DNAH5: variants seen among roughly 807,000 people sequenced by gnomAD.
DNAH5 encodes axonemal beta dynein heavy chain 5.
In DNAH5, 372 loss-of-function variants were observed where a neutral mutation model predicts 518.2. The observed-to-expected ratio is 0.72, with a 90% CI of 0.66 to 0.78. The LOEUF (loss-of-function observed/expected upper bound fraction) is 0.78. Among genes scored for constraint, DNAH5 ranks in the 30% least tolerant of loss-of-function variants. The pLI is 0.00. For missense variants in DNAH5, 5,523 were observed against 5,687.0 expected, an observed-to-expected ratio of 0.97 and a Z score of 0.93; for synonymous variants, 2,039 against 2,025.9, an observed-to-expected ratio of 1.01 and a Z score of -0.17.
chr5:13,861,687 TG>T (rs1768434785), intron 29 of DNAH5, among the ~76,000 whole-genome samples: 1 of 152,178 alleles, frequency 6.6e-6, no homozygotes, highest in Non-Finnish European at 1.5e-5. Context: ...ACAGGCACAG[TG>T]GCTCATGCCT....
At chr5:13,875,313 C>A (rs563584456) in intron 22 of DNAH5, among the ~76,000 whole-genome samples, 1 of 151,768 alleles carries the variant, frequency 6.6e-6, no homozygotes, top group Non-Finnish European at 1.5e-5. Flanking sequence ...ACTAAAAATA[C>A]AAAATTAGCC....
chr5:13,796,041 A>G (rs9765224), intron 47 of DNAH5, among the ~76,000 whole-genome samples: 26,474 of 152,084 alleles, frequency 0.17, 2,354 homozygotes, highest in Admixed American at 0.21. Context: ...GTATTGATGG[A>G]ACGTATCTCA....
chr5:13,815,406 C>T (rs1472380690), intron 42 of DNAH5, among the ~76,000 whole-genome samples: 1 of 152,100 alleles, frequency 6.6e-6, no homozygotes, highest in East Asian at 1.9e-4. Context: ...TTTGTGTTCC[C>T]CTAAAATATC....
chr5:13,916,431 T>C lies in DNAH5; in HGVS notation c.1114A>G (p.Thr372Ala), dbSNP rs140227610. 8.1e-5 allele frequency: 127 copies of C among 1,559,246 alleles called. 2 individuals carry two copies. The African/African-American group carries it at 1.4e-3, about 17-fold the overall frequency. The change falls in exon 9 of 79, where the codon ACA becomes GCA. Residue 372 changes from threonine (T) to alanine (A), a missense_variant. Around this residue, in one of 3 missense-constraint regions of DNAH5, gnomAD observed 5,121 missense variants for 5,223.3 expected, o/e 0.98. Transcript: ENST00000265104. Reference sequence around the variant, plus strand: ...ATCATTTTAATTGCATTTATAAGTGTAGGAATAGCATCCATCATGGATAGC... The same window carrying C: ...ATCATTTTAATTGCATTTATAAGTGCAGGAATAGCATCCATCATGGATAGC... ...DPLSMMDAIP[T>A]LINAIKMIYS...
chr5:13,716,277 G>A (rs1176949263), intron 74 of DNAH5, among the ~76,000 whole-genome samples: 1 of 152,012 alleles, frequency 6.6e-6, no homozygotes, highest in Non-Finnish European at 1.5e-5. Context: ...ATGGAAACAC[G>A]ATTCACACAA....
rs1237738040 is a variant in DNAH5, at chr5:13,707,307, A to G, written c.13338+816T>C. On this transcript the variant is annotated intron_variant, in intron 76 of 78. Coordinates refer to ENST00000265104, the MANE Select transcript of DNAH5 (RefSeq NM_001369.3). The surrounding 1 kb of genome is among the most constrained non-coding windows in gnomAD (Gnocchi z 4.0). ...TGCTGAGAGCAACTTCCACCACTCA[A>G]TAAAACCTTGCACCCGACCTCTAAG... is the stretch of plus-strand genomic sequence containing the variant. Among the ~76,000 whole-genome samples, 3 of 152,162 alleles carry G rather than the reference A, an allele frequency of 2.0e-5. No homozygotes were observed. Among genetic ancestry groups the G allele is most frequent in the Admixed American group, 1.3e-4 (2 of 15,278 alleles).
intron 1 of DNAH5, among the ~76,000 whole-genome samples, chr5:13,981,719 C>A (rs1375601999): frequency 6.6e-6 from 1 of 152,212 alleles, no homozygotes; most frequent in Non-Finnish European, 1.5e-5. Context: ...TCAGTAATAA[C>A]AGATCAATAT....
chr5:13,717,324 A>C lies in DNAH5; in HGVS notation c.12696T>G (p.Asp4232Glu). The C allele has an allele frequency of 1.2e-6, 2 of 1,613,744 alleles. No individual in the cohort carries two copies. Among genetic ancestry groups the C allele is most frequent in the Non-Finnish European group, 1.7e-6 (2 of 1,179,910 alleles). ...QFIQNHLDDM[D>E]VKKGVSWTTI... The stretch of plus-strand genomic sequence containing the variant: ...GCATGCGCGGCAGTACCTTTTTGAC[A>C]TCCATGTCATCCAAGTGGTTTTGGA... Residue 4232 changes from aspartate to glutamate, a missense_variant, in exon 73 of 79, where the codon GAT (aspartate) becomes GAG (glutamate). By Grantham distance (45) the Asp-to-Glu change is conservative (BLOSUM62 2). Around this residue, in one of 3 missense-constraint regions of DNAH5, gnomAD observed 5,121 missense variants for 5,223.3 expected, o/e 0.98. Coordinates refer to ENST00000265104, the MANE Select transcript of DNAH5 (RefSeq NM_001369.3).
intron 66 of DNAH5, 87 bp from the exon 67 acceptor site, chr5:13,736,019 A>G (rs990996419): frequency 9.2e-7 from 1 of 1,084,884 alleles, no homozygotes; most frequent in Non-Finnish European, 1.4e-6. Flanking sequence ...CTCTAAATGA[A>G]AACAACAACT....
intron 1 of DNAH5, among the ~76,000 whole-genome samples, chr5:13,941,000 T>C (rs546329169): frequency 7.3e-4 from 111 of 152,296 alleles, no homozygotes; most frequent in African/African-American, 2.5e-3. Context: ...AGCTATGGCA[T>C]GATAATGATG....
intron 78 of DNAH5, among the ~76,000 whole-genome samples, chr5:13,692,538 A>G (rs974133484): frequency 3.3e-5 from 5 of 152,142 alleles, no homozygotes; most frequent in Admixed American, 2.0e-4. Context: ...GCATTACTTT[A>G]TTATTTCAAA....
Position 13,919,311 on chromosome 5 carries a change from G to C in DNAH5, c.840C>G (p.Asp280Glu), listed in dbSNP as rs1777001241. The C allele has an allele frequency of 6.2e-7, 1 of 1,613,960 alleles. No individual in the cohort carries two copies. The highest frequency in any genetic ancestry group is 1.7e-5 in the Admixed American group (1 of 59,990). ...ENNQLLKEAD[D>E]VGPRAELEHW... ...GCTCCAGCTCCGCTCGTGGCCCAAC[G>C]TCATCCGCTTCCTTCAGCAGCTGAT... Residue 280 changes from aspartate to glutamate, a missense_variant, in exon 7 of 79, where the codon GAC (aspartate) becomes GAG (glutamate). Asp to Glu is a conservative substitution (Grantham distance 45). Around this residue, in one of 3 missense-constraint regions of DNAH5, gnomAD observed 5,121 missense variants for 5,223.3 expected, o/e 0.98. Transcript: ENST00000265104.
Position 13,814,590 on chromosome 5 carries a change from AG to A in DNAH5, c.7230+14del. 1 of 1,613,006 alleles carries A rather than the reference AG, an allele frequency of 6.2e-7. No individual in the cohort carries two copies. The highest frequency in any genetic ancestry group is 8.5e-7 in the Non-Finnish European group (1 of 1,179,106). ...TTTTCCTTTTTAATTATACAAAAGA[AG>A]GATTCAATTATACCTCAAGAATAGG... On this transcript the variant is annotated intron_variant, in intron 43 of 78. Transcript: ENST00000265104.
chr5:13,911,558 C>A (rs1413486710), intron 11 of DNAH5, 65 bp from the exon 12 acceptor site: 7 of 1,267,308 alleles, frequency 5.5e-6, no homozygotes, highest in African/African-American at 4.5e-5. Context: ...CTAAATATGA[C>A]CCTTAAATGT....
In DNAH5 at chr5:13,759,407, T is replaced by C. The variant is rs567467076; in HGVS notation, c.10282-424A>G. 1.4e-4 allele frequency among the ~76,000 whole-genome samples: 22 copies of C among 152,352 alleles called. No individual in the cohort carries two copies. The South Asian group carries it at 4.3e-3, about 30-fold the overall frequency. The stretch of plus-strand genomic sequence containing the variant: ...TCAGAACACTGTAATATTAAATGTA[T>C]ATAGGTAAATTATAAAACATGCTAA... On this transcript the variant is annotated intron_variant, in intron 60 of 78. Coordinates refer to ENST00000265104, the MANE Select transcript of DNAH5 (RefSeq NM_001369.3).
At chr5:13,929,468 A>G (rs1778205717) in intron 2 of DNAH5, among the ~76,000 whole-genome samples, 1 of 121,178 alleles carries the variant, frequency 8.3e-6, no homozygotes, top group Non-Finnish European at 1.7e-5. Context: ...AAAATGGTTA[A>G]GATGGTGAAT....
At chr5:13,803,138 T>G (rs188585841) in intron 47 of DNAH5, among the ~76,000 whole-genome samples, 37 of 152,306 alleles carry the variant, frequency 2.4e-4, no homozygotes, top group African/African-American at 5.0e-4. Flanking sequence ...AAATCATTTT[T>G]CATGCATGTT....
At chr5:13,754,425 T>A (rs1217914406) in intron 61 of DNAH5, 87 bp from the exon 62 acceptor site, 2 of 1,465,356 alleles carry the variant, frequency 1.4e-6, no homozygotes, top group South Asian at 2.3e-5. Flanking sequence ...CACGCCATAT[T>A]ATCTGCCTTC....
Position 13,820,517 on chromosome 5 carries a change from T to A in DNAH5, c.6688-18A>T. On this transcript the variant is annotated intron_variant, in intron 40 of 78. Coordinates refer to ENST00000265104, the MANE Select transcript of DNAH5 (RefSeq NM_001369.3). ...TCTTCAACCTGAAAACATAAGAGAA[T>A]CCCCACATTGAAACACAACAATGAT... is the stretch of plus-strand genomic sequence containing the variant. 6.2e-7 allele frequency: 1 copy of A among 1,613,262 alleles called. No individual in the cohort carries two copies. Among genetic ancestry groups the A allele is most frequent in the Non-Finnish European group, 8.5e-7 (1 of 1,179,924 alleles).
Sources: allele counts gnomAD v4.1 joint callset (sites outside exome capture counted in the v4.1 genomes callset), GRCh38; gene constraint gnomAD v4.1.1; regional missense constraint gnomAD v4.1.1; non-coding constraint Gnocchi (gnomAD v3.1); transcripts MANE v1.5; gene names NCBI Gene and HGNC (gene_info 2026-07-23, HGNC 2026-07-21).